Variants in LATS1 observed in about 807,000 individuals in gnomAD.
LATS1 encodes the protein serine/threonine-protein kinase LATS1.
A neutral mutation model predicts 106.6 loss-of-function variants in LATS1; 25 were observed. The ratio of observed to expected loss-of-function variants is 0.23; its 90% CI spans 0.17 to 0.33. The LOEUF (loss-of-function observed/expected upper bound fraction) is 0.33, where lower values mean the gene tolerates loss of function less well. Among genes scored for constraint, LATS1 ranks in the 10% least tolerant of loss-of-function variants. The probability of loss-of-function intolerance (pLI) is 1.00; values close to 1 mark genes in which losing one functional copy is unlikely to be tolerated. For missense variants in LATS1, 1,040 were observed against 1,382.6 expected (o/e 0.75, Z 3.93); for synonymous variants, 465 against 455.6 (o/e 1.02, Z -0.26).
chr6:149,679,549 C>CAAAA (rs57395928), intron 5 of LATS1, among the ~76,000 whole-genome samples: 1 of 66,176 alleles, frequency 1.5e-5, no homozygotes. Context: ...GAGACTCCAT[C>CAAAA]AAAAAAAAAA....
At chr6:149,713,256 T>C (rs995631539) in intron 1 of LATS1, among the ~76,000 whole-genome samples, 1 of 152,106 alleles carries the variant, frequency 6.6e-6, no homozygotes, top group Non-Finnish European at 1.5e-5. Context: ...AACTTAACCA[T>C]ACATAAAAGT....
chr6:149,671,122 T>G (rs554428624), intron 7 of LATS1, among the ~76,000 whole-genome samples: 1 of 150,622 alleles, frequency 6.6e-6, no homozygotes, highest in Non-Finnish European at 1.5e-5. Flanking sequence ...TCAGTTGTTT[T>G]TTTGTTTGTT....
chr6:149,666,900 A>T (rs577424716), intron 7 of LATS1, among the ~76,000 whole-genome samples: 8 of 149,704 alleles, frequency 5.3e-5, no homozygotes, highest in African/African-American at 2.0e-4. Flanking sequence ...GCAGAGATTG[A>T]GCCACTGCAC....
rs747857813 is a variant in LATS1 at position 149,684,069 on chromosome 6, A to C, written c.1020T>G (p.Phe340Leu). Reference protein sequence around the residue: ...IIMQSSSKFNFPSGRPGMQNG... With the variant: ...IIMQSSSKFNLPSGRPGMQNG... ...TCTGCATTCCAGGTCTCCCTGATGG[A>C]AAGTTAAATTTGCTAGAACTCTGCA... The change falls in exon 4 of 8, where the codon TTT becomes TTG. Residue 340 changes from phenylalanine (F) to leucine (L), a missense_variant. Physicochemically the swap from Phe to Leu is conservative, Grantham distance 22. This residue lies in a region of LATS1 where 624 missense variants were observed against 714.8 expected (regional missense o/e 0.87). Coordinates refer to ENST00000543571, the MANE Select transcript of LATS1 (RefSeq NM_004690.4). The C allele has an allele frequency of 1.5e-5, 25 of 1,614,022 alleles. No homozygotes were observed. The East Asian group carries it at 5.1e-4, about 33-fold the overall frequency.
chr6:149,707,766 T>C (rs1376950355), intron 1 of LATS1, among the ~76,000 whole-genome samples: 1 of 152,180 alleles, frequency 6.6e-6, no homozygotes. Context: ...AATAATTTGG[T>C]TGTGTGCTGA....
At chr6:149,663,182 G>A (rs1780968439) in intron 7 of LATS1, among the ~76,000 whole-genome samples, 1 of 152,132 alleles carries the variant, frequency 6.6e-6, no homozygotes, top group South Asian at 2.1e-4. Context: ...ATTTAACCAA[G>A]TTTAGATACC....
intron 2 of LATS1, among the ~76,000 whole-genome samples, chr6:149,696,555 G>A (rs533926348): frequency 0.01 from 714 of 69,364 alleles, 9 homozygotes; most frequent in African/African-American, 0.042. Context: ...GTAAAACTCC[G>A]TCTTAAAAAA....
At chr6:149,713,563 T>C (rs2115027415) in intron 1 of LATS1, among the ~76,000 whole-genome samples, 1 of 152,340 alleles carries the variant, frequency 6.6e-6, no homozygotes, top group African/African-American at 2.4e-5. Flanking sequence ...CTCAAAGTGC[T>C]GCGATTACAG....
At chr6:149,678,005 C>A in intron 5 of LATS1, among the ~76,000 whole-genome samples, 2 of 127,572 alleles carry the variant, frequency 1.6e-5, no homozygotes, top group African/African-American at 3.1e-5. Flanking sequence ...GGCAACAGAC[C>A]AAAACTCCGT....
rs748057861 is a variant in LATS1, at chr6:149,701,939, C to G, written c.188G>C (p.Arg63Pro). Residue 63 changes from arginine (R) to proline (P), a missense_variant, in exon 2 of 8, where the codon CGA becomes CCA. Transcript: ENST00000543571. The stretch of plus-strand genomic sequence containing the variant: ...AAATTTGGGTGGATTTCTGACTTGT[C>G]GAGGATCTTCGGTTGACATTTTACT... ...NMSKMSTEDP[R>P]QVRNPPKFGT... The G allele has an allele frequency of 2.5e-6, 4 of 1,614,102 alleles. No individual in the cohort carries two copies. The highest frequency in any genetic ancestry group is 2.5e-6 in the Non-Finnish European group (3 of 1,180,016).
At position 149,684,480 on chromosome 6, in the gene LATS1, C is replaced by A. The variant is rs756124203; in HGVS notation, c.609G>T (p.Glu203Asp). The change falls in exon 4 of 8, where the codon GAG becomes GAT. Residue 203 changes from glutamate (E) to aspartate (D), a missense_variant. Glu to Asp is a conservative substitution (Grantham distance 45, BLOSUM62 2). Coordinates refer to ENST00000543571, the MANE Select transcript of LATS1 (RefSeq NM_004690.4). ...CTACATCTGTCTGTGAGTTGGGACTCTCAGAATGATAGGCCACACTTTCTC... is the reference window on the plus strand; with the variant it reads ...CTACATCTGTCTGTGAGTTGGGACTATCAGAATGATAGGCCACACTTTCTC... ...PLGESVAYHS[E>D]SPNSQTDVGR... 6.2e-7 allele frequency: 1 copy of A among 1,614,156 alleles called. No individual in the cohort carries two copies. Among genetic ancestry groups the A allele is most frequent in the Non-Finnish European group, 8.5e-7 (1 of 1,180,012 alleles).
Position 149,672,458 on chromosome 6 carries a change from C to T in LATS1, c.2883+3802G>A, listed in dbSNP as rs9505828. Reference sequence around the variant, plus strand: ...TCCTGACCTCAGGTGATCTGCCTGCCCTGGCCTCCCAAAGTGCTGGGATTA... The same window carrying T: ...TCCTGACCTCAGGTGATCTGCCTGCTCTGGCCTCCCAAAGTGCTGGGATTA... On this transcript the variant is annotated intron_variant, in intron 7 of 7. Transcript: ENST00000543571. Among the ~76,000 whole-genome samples, 799 of 151,440 alleles carry T rather than the reference C, an allele frequency of 5.3e-3. 17 individuals carry two copies. Among genetic ancestry groups the T allele is most frequent in the African/African-American group, 0.019 (772 of 41,140 alleles).
intron 1 of LATS1, among the ~76,000 whole-genome samples, chr6:149,715,573 C>T (rs1784337038): frequency 6.6e-6 from 1 of 152,060 alleles, no homozygotes; most frequent in Admixed American, 6.5e-5. Flanking sequence ...ATACATATAG[C>T]ATATTCCTTG....
intron 1 of LATS1, among the ~76,000 whole-genome samples, chr6:149,715,932 G>A (rs530675907): frequency 1.3e-5 from 2 of 152,154 alleles, no homozygotes; most frequent in South Asian, 2.1e-4. Context: ...GGCCAGATTC[G>A]TCTTAATAAA....
At chr6:149,709,678 T>C (rs112274243) in intron 1 of LATS1, among the ~76,000 whole-genome samples, 3,510 of 143,720 alleles carry the variant, frequency 0.024, 137 homozygotes, top group African/African-American at 0.085. Context: ...CTTTTTTTTT[T>C]TTTTTTTTTT....
chr6:149,713,441 C>T (rs1457986943), intron 1 of LATS1, among the ~76,000 whole-genome samples: 1 of 142,684 alleles, frequency 7.0e-6, no homozygotes, highest in Non-Finnish European at 1.5e-5. Flanking sequence ...ATTACAGGAG[C>T]CCACCACCAC....
At chr6:149,678,455 T>C (rs1562327389) in intron 5 of LATS1, among the ~76,000 whole-genome samples, 1 of 152,184 alleles carries the variant, frequency 6.6e-6, no homozygotes, top group African/African-American at 2.4e-5. Flanking sequence ...TTAAGAAGCT[T>C]TCCAGGTAAT....
At position 149,683,987 on chromosome 6, in the gene LATS1, C is replaced by G. The variant is rs1353054609; in HGVS notation, c.1102G>C (p.Val368Leu). 2 of 1,614,064 alleles carry G rather than the reference C, an allele frequency of 1.2e-6. No individual in the cohort carries two copies. The highest frequency in any genetic ancestry group is 2.2e-5 in the South Asian group (2 of 91,078). The change falls in exon 4 of 8, where the codon GTG becomes CTG. Residue 368 changes from valine to leucine, a missense_variant. Val to Leu is a conservative substitution (Grantham distance 32, BLOSUM62 1). Coordinates refer to ENST00000543571, the MANE Select transcript of LATS1 (RefSeq NM_004690.4). ...IHQNVVPAGT[V>L]NRQPPPPYPL... is the part of the protein sequence containing the mutation. Reference sequence around the variant, plus strand: ...TATGGAGGTGGTGGCTGCCGATTCACAGTGCCAGCAGGGACAACATTTTGG... The same window carrying G: ...TATGGAGGTGGTGGCTGCCGATTCAGAGTGCCAGCAGGGACAACATTTTGG...
chr6:149,694,156 C>T (rs1782933269), intron 3 of LATS1, among the ~76,000 whole-genome samples: 1 of 152,026 alleles, frequency 6.6e-6, no homozygotes, highest in Non-Finnish European at 1.5e-5. Context: ...TATGAAAAGC[C>T]TTAACGTTTT....
Sources: allele counts gnomAD v4.1 joint callset (sites outside exome capture counted in the v4.1 genomes callset), GRCh38; gene constraint gnomAD v4.1.1; regional missense constraint gnomAD v4.1.1; transcripts MANE v1.5; gene names NCBI Gene and HGNC (gene_info 2026-07-23, HGNC 2026-07-21).